SLC10A7: variants seen among roughly 807,000 people sequenced by gnomAD.
The protein encoded by SLC10A7 is sodium/bile acid cotransporter 7.
SLC10A7 carries 29 observed loss-of-function variants against 43.2 expected under a neutral mutation model. The observed-to-expected ratio is 0.67, with a 90% confidence interval of 0.50 to 0.92. The LOEUF (loss-of-function observed/expected upper bound fraction) is 0.92, where lower values mean the gene tolerates loss of function less well. SLC10A7 is among the 40% of genes least tolerant of loss of function. The probability of loss-of-function intolerance (pLI) is 0.00; values close to 1 mark genes in which losing one functional copy is unlikely to be tolerated. For synonymous variants in SLC10A7, 152 were observed against 144.8 expected, an observed-to-expected ratio of 1.05 and a Z score of -0.35; for missense variants, 295 against 403.2, an observed-to-expected ratio of 0.73 and a Z score of 2.30.
intron 5 of SLC10A7, chr4:146,442,308 T>A (rs985780168): frequency 1.0e-6 from 1 of 986,098 alleles, no homozygotes; most frequent in African/African-American, 1.7e-5. Context: ...CTTTCAAATT[T>A]TTTTTCACAT....
intron 4 of SLC10A7, among the ~76,000 whole-genome samples, chr4:146,447,242 T>C (rs1170531206): frequency 5.9e-5 from 9 of 152,138 alleles, no homozygotes; most frequent in African/African-American, 2.2e-4. Flanking sequence ...AAACCATAAA[T>C]GACCAAAAAT....
chr4:146,344,976 G>A (rs1734517704), intron 5 of SLC10A7, among the ~76,000 whole-genome samples: 1 of 152,114 alleles, frequency 6.6e-6, no homozygotes, highest in African/African-American at 2.4e-5. Context: ...AAAGGAGTTC[G>A]AAAAGTTGGA....
At chr4:146,455,624 A>T (rs941396777) in intron 4 of SLC10A7, among the ~76,000 whole-genome samples, 2 of 151,844 alleles carry the variant, frequency 1.3e-5, no homozygotes, top group African/African-American at 4.8e-5. Context: ...TAGCTTTCCT[A>T]CCATCTTCTG....
intron 7 of SLC10A7, among the ~76,000 whole-genome samples, chr4:146,302,720 T>A (rs1354292811): frequency 6.6e-6 from 1 of 152,048 alleles, no homozygotes; most frequent in Admixed American, 6.6e-5. Context: ...GTCAGAAAGG[T>A]AGGCAGGGAT....
At chr4:146,373,351 G>A (rs930229328) in intron 5 of SLC10A7, among the ~76,000 whole-genome samples, 8 of 151,794 alleles carry the variant, frequency 5.3e-5, no homozygotes, top group Non-Finnish European at 7.4e-5. Flanking sequence ...AAACACACCT[G>A]TAGTCCCAGC....
chr4:146,428,871 C>G (rs1348677641), intron 5 of SLC10A7, among the ~76,000 whole-genome samples: 1 of 152,098 alleles, frequency 6.6e-6, no homozygotes, highest in Non-Finnish European at 1.5e-5. Flanking sequence ...ACATCTCTAG[C>G]TATTTAAATA....
intron 4 of SLC10A7, among the ~76,000 whole-genome samples, chr4:146,489,661 A>G (rs2150002217): frequency 2.0e-5 from 3 of 152,336 alleles, no homozygotes; most frequent in Admixed American, 2.0e-4. Context: ...ATTGTGCATC[A>G]GAACAGTCCT....
At chr4:146,496,298 T>C (rs1735893020) in intron 4 of SLC10A7, among the ~76,000 whole-genome samples, 1 of 152,098 alleles carries the variant, frequency 6.6e-6, no homozygotes, top group Non-Finnish European at 1.5e-5. Flanking sequence ...CAGAACACAA[T>C]ACCCTAAAGC....
At position 146,255,302 on chromosome 4, in the gene SLC10A7, T is replaced by C. The variant is rs935686051; in HGVS notation, c.*1189A>G. Reference sequence around the variant, plus strand: ...CACTCATTTGAAAGCTGCTGCCCCGTTGGGAACTAATTTTACTTGATATTT... The same window carrying C: ...CACTCATTTGAAAGCTGCTGCCCCGCTGGGAACTAATTTTACTTGATATTT... On this transcript the variant is annotated 3_prime_UTR_variant, in exon 12 of 12. Coordinates refer to ENST00000335472, the MANE Select transcript of SLC10A7 (RefSeq NM_001029998.6). 3 of 152,652 alleles carry C rather than the reference T, an allele frequency of 2.0e-5. No individual in the cohort carries two copies. Among genetic ancestry groups the C allele is most frequent in the Non-Finnish European group, 2.9e-5 (2 of 68,040 alleles). The allele number at this position is 152,652 out of a possible 1,614,324, so 9.5% of individuals were successfully genotyped here. A position where few individuals can be genotyped will look rare whatever the true frequency, so the allele number is the denominator to read the frequency against.
chr4:146,369,233 T>C (rs977881821), intron 5 of SLC10A7, among the ~76,000 whole-genome samples: 2 of 152,306 alleles, frequency 1.3e-5, no homozygotes, highest in South Asian at 2.1e-4. Flanking sequence ...CTAAACATGT[T>C]ATCTAACCTC....
At chr4:146,265,674 G>A (rs1728508408) in intron 10 of SLC10A7, among the ~76,000 whole-genome samples, 1 of 152,008 alleles carries the variant, frequency 6.6e-6, no homozygotes, top group African/African-American at 2.4e-5. Flanking sequence ...ATAAATAATT[G>A]GTTATTTATG....
At chr4:146,393,191 CAAAAAAAAAAAAAAA>C (rs765135958) in intron 5 of SLC10A7, among the ~76,000 whole-genome samples, 4 of 42,068 alleles carry the variant, frequency 9.5e-5, no homozygotes, top group South Asian at 1.5e-3. Context: ...GGCCCTGTCT[CAAAAAAAAAAAAAAA>C]AAAAAAAAAA....
chr4:146,440,194 C>G (rs57910109), intron 5 of SLC10A7, among the ~76,000 whole-genome samples: 1 of 151,972 alleles, frequency 6.6e-6, no homozygotes, highest in Admixed American at 6.6e-5. Context: ...TGACTGAGTT[C>G]TGCAATAAGG....
chr4:146,384,206 T>C (rs1007483116), intron 5 of SLC10A7, among the ~76,000 whole-genome samples: 7 of 152,142 alleles, frequency 4.6e-5, no homozygotes, highest in African/African-American at 1.7e-4. Flanking sequence ...AAAACTGCTA[T>C]TTGGTGGATT....
intron 10 of SLC10A7, 35 bp from the exon 11 acceptor site, chr4:146,258,872 A>C (rs1289438269): frequency 6.3e-7 from 1 of 1,590,886 alleles, no homozygotes; most frequent in Non-Finnish European, 8.5e-7. Flanking sequence ...CCTAAACCAA[A>C]TTCAGTCTGT....
At chr4:146,415,254 T>C (rs972127568) in intron 5 of SLC10A7, among the ~76,000 whole-genome samples, 4 of 152,198 alleles carry the variant, frequency 2.6e-5, no homozygotes, top group Middle Eastern at 3.2e-3. Flanking sequence ...TAATGGAAAG[T>C]AGATTGTCAA....
chr4:146,468,175 C>T (rs942029838), intron 4 of SLC10A7, among the ~76,000 whole-genome samples: 1 of 152,102 alleles, frequency 6.6e-6, no homozygotes, highest in Non-Finnish European at 1.5e-5. Context: ...TATCTACTTA[C>T]AAGAATTTTG....
At chr4:146,407,072 G>A (rs1320054109) in intron 5 of SLC10A7, among the ~76,000 whole-genome samples, 3 of 152,068 alleles carry the variant, frequency 2.0e-5, no homozygotes, top group Non-Finnish European at 1.5e-5. Context: ...TTTTAGTGAT[G>A]GGATCTTTCC....
chr4:146,268,936 C>G (rs143807774), intron 10 of SLC10A7, among the ~76,000 whole-genome samples: 23 of 152,114 alleles, frequency 1.5e-4, no homozygotes, highest in African/African-American at 5.6e-4. Context: ...ATAACCGTTA[C>G]ACAGAAAAGT....
Sources: allele counts gnomAD v4.1 joint callset (sites outside exome capture counted in the v4.1 genomes callset), GRCh38; gene constraint gnomAD v4.1.1; transcripts MANE v1.5; gene names NCBI Gene and HGNC (gene_info 2026-07-23, HGNC 2026-07-21).